DUOX1: variants seen among roughly 807,000 people sequenced by gnomAD.
The protein encoded by DUOX1 is NADPH thyroid oxidase 1.
In DUOX1, 134 loss-of-function variants were observed where a neutral mutation model predicts 181.8. The observed-to-expected ratio is 0.74, with a 90% CI of 0.64 to 0.85. The LOEUF is 0.85. Ranked by LOEUF, DUOX1 falls within the 40% of genes least tolerant of loss-of-function variation. The pLI, the probability that DUOX1 is intolerant of heterozygous loss-of-function variation, is 0.00. For missense variants in DUOX1, 1,814 were observed against 2,064.4 expected (o/e 0.88, Z 2.35); for synonymous variants, 798 against 832.5 (o/e 0.96, Z 0.71).
rs147581176 is a variant in DUOX1 at position 45,133,882 on chromosome 15, C to T, written c.77C>T (p.Ser26Leu). The T allele has an allele frequency of 3.0e-5, 49 of 1,613,884 alleles. No homozygotes were observed. In the African/African-American group the frequency reaches 4.1e-4, roughly 14 times the overall value. ...CACACAGGAGCTCAGAACCCCATTT[C>T]GTGGGAGGTGCAGCGATTTGATGGG... is the stretch of plus-strand genomic sequence containing the variant. ...WTPLGAQNPI[S>L]WEVQRFDGWY... The change falls in exon 3 of 34, where the codon TCG becomes TTG. Residue 26 changes from serine (S) to leucine (L), a missense_variant. Physicochemically the swap from Ser to Leu is moderately radical, Grantham distance 145. Transcript: ENST00000389037.
chr15:45,135,551 C>A lies in DUOX1; in HGVS notation c.573C>A (p.Ser191Arg). ...ATTCCTGGAGCGACGCGCTGCGGAG[C>A]TTCTCCAGGGGACAGCTGGCGTCGG... is the stretch of plus-strand genomic sequence containing the variant. Reference protein sequence around the residue: ...SSHSWSDALRSFSRGQLASGP... With the variant: ...SSHSWSDALRRFSRGQLASGP... Residue 191 changes from serine (S) to arginine (R), a missense_variant, in exon 6 of 34, where the codon AGC (serine) becomes AGA (arginine). By Grantham distance (110) the Ser-to-Arg change is moderately radical. Around this residue, in one of 5 missense-constraint regions of DUOX1, gnomAD observed 320 missense variants for 313.1 expected, o/e 1.02. Transcript: ENST00000389037. 1 of 1,559,158 alleles carries A rather than the reference C, an allele frequency of 6.4e-7. No homozygotes were observed. Among genetic ancestry groups the A allele is most frequent in the Non-Finnish European group, 8.7e-7 (1 of 1,152,886 alleles).
At position 45,160,861 on chromosome 15, in the gene DUOX1, CT is replaced by C. The variant is rs779125076; in HGVS notation, c.3728del (p.Leu1243ArgfsTer24). Reference protein sequence around the residue: ...VLLIIHGSFALIQLPRFHIFF... With the variant: ...VLLIIHGSFAXIQLPRFHIFF... ...GCTCATCATCCATGGTAGCTTTGCC[CT>C]GATCCAGCTGCCCCGTTTCCACATC... On this transcript the variant is annotated frameshift_variant, in exon 29 of 34. Transcript: ENST00000389037. LOFTEE classifies it high-confidence loss of function. The C allele has an allele frequency of 1.4e-5, 23 of 1,611,108 alleles. No individual in the cohort carries two copies. Among genetic ancestry groups the C allele is most frequent in the South Asian group, 5.5e-5 (5 of 90,618 alleles).
In DUOX1 at chr15:45,152,744, G is replaced by C. The variant is rs1896849788; in HGVS notation, c.3424+228G>C. On this transcript the variant is annotated intron_variant, in intron 25 of 33. Transcript: ENST00000389037. ...GCGCCTCACCAGCCTCAGCTGACAA[G>C]TTACTAACACCCCAGAATGAGTGTG... The C allele has an allele frequency of 3.3e-5, 20 of 597,682 alleles. No individual in the cohort carries two copies. In the South Asian group the frequency reaches 4.0e-4, roughly 12 times the overall value. 37.0% of individuals were successfully genotyped at this position (597,682 alleles called of 1,614,324 possible). A position where few individuals can be genotyped will look rare whatever the true frequency, so the allele number is the denominator to read the frequency against.
rs58154992 is a variant in DUOX1 at position 45,153,494 on chromosome 15, ATGTGTGTGTGTGTGTGTG to A, written c.3524+51_3524+68del. 0.038 allele frequency: 32,755 copies of A among 871,236 alleles called. 655 individuals carry two copies. The highest frequency in any genetic ancestry group is 0.083 in the South Asian group (4,419 of 53,358). 54.0% of individuals were successfully genotyped at this position (871,236 alleles called of 1,614,324 possible). ...CATGATGATGGGTGAGTAAGTGCGA[ATGTGTGTGTGTGTGTGTG>A]TGTGTGTGTGTGTGTGTGTGTGTGT... On this transcript the variant is annotated intron_variant, in intron 26 of 33. Transcript: ENST00000389037.
At chr15:45,143,410 C>A in intron 16 of DUOX1, 107 bp downstream of exon 16, 1 of 848,520 alleles carries the variant, frequency 1.2e-6, no homozygotes, top group Non-Finnish European at 1.8e-6. Flanking sequence ...TTTTCTAGGA[C>A]TGTAGGCAAG....
chr15:45,150,999 T>G, intron 22 of DUOX1, 124 bp from the exon 23 acceptor site: 6 of 1,371,230 alleles, frequency 4.4e-6, no homozygotes, highest in Non-Finnish European at 5.1e-6. Flanking sequence ...GTGGGAATCC[T>G]GCTGTCCCCT....
chr15:45,151,888 A>T lies in DUOX1; in HGVS notation c.3029A>T (p.Gln1010Leu). ...CTGTCTCCCAGGGTAACGTCATTCC[A>T]GCCCTTGCTGTTCACTGAGGCGCAC... The part of the protein sequence containing the change: ...RRFGKKVTSF[Q>L]PLLFTEAHRE... The change falls in exon 24 of 34, where the codon CAG (glutamine) becomes CTG (leucine). Residue 1010 changes from glutamine (Q) to leucine (L), a missense_variant. Around this residue, in one of 5 missense-constraint regions of DUOX1, gnomAD observed 1,064 missense variants for 1,152.9 expected, o/e 0.92. Coordinates refer to ENST00000389037, the MANE Select transcript of DUOX1 (RefSeq NM_175940.3). 1 of 1,613,048 alleles carries T rather than the reference A, an allele frequency of 6.2e-7. No individual in the cohort carries two copies. Among genetic ancestry groups the T allele is most frequent in the Non-Finnish European group, 8.5e-7 (1 of 1,179,514 alleles).
chr15:45,163,148 A>C (rs553241847), intron 31 of DUOX1, among the ~76,000 whole-genome samples: 18 of 152,320 alleles, frequency 1.2e-4, no homozygotes, highest in African/African-American at 4.3e-4. Flanking sequence ...CTGCTCAGGC[A>C]GCTGCTGGGT....
chr15:45,155,268 C>A (rs879285203), intron 27 of DUOX1, among the ~76,000 whole-genome samples: 19 of 152,146 alleles, frequency 1.2e-4, no homozygotes, highest in African/African-American at 2.7e-4. Flanking sequence ...CAAATAATGA[C>A]ATTGGTGAAA....
Position 45,131,993 on chromosome 15 carries a change from G to T in DUOX1, c.27G>T (p.Trp9Cys). 1 of 1,613,918 alleles carries T rather than the reference G, an allele frequency of 6.2e-7. No homozygotes were observed. Among genetic ancestry groups the T allele is most frequent in the Non-Finnish European group, 8.5e-7 (1 of 1,179,952 alleles). The part of the protein sequence containing the change: MGFCLALA[W>C]TLLVGAWTPL... ...TGGGCTTCTGCCTGGCTCTAGCATGGACACTTCTGGTTGGGGCATGGACCC... is the reference window on the plus strand; with the variant it reads ...TGGGCTTCTGCCTGGCTCTAGCATGTACACTTCTGGTTGGGGCATGGACCC... Residue 9 changes from tryptophan to cysteine, a missense_variant, in exon 2 of 34, where the codon TGG (tryptophan) becomes TGT (cysteine). Transcript: ENST00000389037.
Position 45,140,293 on chromosome 15 carries a change from G to A in DUOX1, c.1390-602G>A, listed in dbSNP as rs564409675. On this transcript the variant is annotated intron_variant, in intron 12 of 33. Coordinates refer to ENST00000389037, the MANE Select transcript of DUOX1 (RefSeq NM_175940.3). ...TGAAAGGCCAATAAAGAAGTGATAT[G>A]AGCATGGGGGCTCGTAAACTTTATA... is the stretch of plus-strand genomic sequence containing the variant. Among the ~76,000 whole-genome samples the A allele has an allele frequency of 1.6e-4, 24 of 152,280 alleles. No individual in the cohort carries two copies. The South Asian group carries it at 5.0e-3, about 32-fold the overall frequency.
At chr15:45,155,690 A>G in intron 27 of DUOX1, 112 bp from the exon 28 acceptor site, 2 of 1,466,930 alleles carry the variant, frequency 1.4e-6, no homozygotes, top group Non-Finnish European at 1.9e-6. Context: ...GAATGCTGGG[A>G]CATTCTTACT....
intron 15 of DUOX1, among the ~76,000 whole-genome samples, chr15:45,142,682 G>A (rs1190937476): frequency 6.6e-6 from 1 of 151,868 alleles, no homozygotes; most frequent in African/African-American, 2.4e-5. Flanking sequence ...CTTAGATCGC[G>A]CCATTGCACT....
intron 19 of DUOX1, 78 bp from the exon 20 acceptor site, chr15:45,147,826 T>A (rs1303265401): frequency 6.6e-7 from 1 of 1,512,312 alleles, no homozygotes; most frequent in African/African-American, 1.4e-5. Flanking sequence ...ATCACACTGG[T>A]GTGAGGCCCC....
chr15:45,138,250 C>A (rs1896387960), intron 10 of DUOX1, among the ~76,000 whole-genome samples: 1 of 152,182 alleles, frequency 6.6e-6, no homozygotes. Context: ...AGCCAACCCA[C>A]CACCCCAACC....
At chr15:45,158,479 C>T (rs1046956079) in intron 28 of DUOX1, among the ~76,000 whole-genome samples, 8 of 151,866 alleles carry the variant, frequency 5.3e-5, no homozygotes, top group Admixed American at 1.3e-4. Flanking sequence ...GAGGCTGAGG[C>T]GGGTGGATTA....
chr15:45,143,057 C>T (rs891021056), intron 15 of DUOX1, 133 bp from the exon 16 acceptor site: 25 of 676,516 alleles, frequency 3.7e-5, no homozygotes, highest in Non-Finnish European at 5.8e-5. Flanking sequence ...CCTTCCCAAT[C>T]TGAAACAATT....
rs779683936 is a variant in DUOX1, at chr15:45,163,821, T to A, written c.4436T>A (p.Leu1479Gln). Residue 1479 changes from leucine (L) to glutamine (Q), a missense_variant, in exon 33 of 34, where the codon CTG becomes CAG. Physicochemically the swap from Leu to Gln is moderately radical, Grantham distance 113 (BLOSUM62 -2). This residue lies in a region of DUOX1 where 124 missense variants were observed against 125.7 expected (regional missense o/e 0.99). Transcript: ENST00000389037. ...TGTGAGCGGCACTTCCAGAAGGTTCTGAACCGGAGTCTATTCACAGGCCTG... is the reference window on the plus strand; with the variant it reads ...TGTGAGCGGCACTTCCAGAAGGTTCAGAACCGGAGTCTATTCACAGGCCTG... ...YICERHFQKV[L>Q]NRSLFTGLRS... The A allele has an allele frequency of 6.2e-6, 10 of 1,614,178 alleles. No homozygotes were observed. In the East Asian group the frequency reaches 2.2e-4, roughly 36 times the overall value.
chr15:45,151,725 T>C (rs1480014448), intron 23 of DUOX1, 149 bp from the exon 24 acceptor site: 14 of 804,934 alleles, frequency 1.7e-5, no homozygotes, highest in Non-Finnish European at 2.8e-5. Context: ...CGGTGAGGTC[T>C]GAACCCTTCT....
Sources: gnomAD v4.1 joint callset for allele counts (sites outside exome capture counted in the v4.1 genomes callset) on GRCh38, gnomAD v4.1.1 for gene constraint, gnomAD v4.1.1 regional missense constraint, MANE v1.5 for transcripts, NCBI Gene and HGNC (gene_info 2026-07-23, HGNC 2026-07-21) for gene names.